VIT: variants seen among roughly 807,000 people sequenced by gnomAD.
VIT encodes the protein vitrin.
Under a neutral mutation model 78.0 loss-of-function variants are expected in VIT, and 99 were observed. That is an observed-to-expected ratio of 1.27 (90% CI 1.08 to 1.50). The LOEUF is 1.50. Among genes scored for constraint, VIT ranks in the 40% most tolerant of loss-of-function variants. The pLI, the probability that VIT is intolerant of heterozygous loss-of-function variation, is 0.00. For missense variants in VIT, 1,126 were observed against 875.3 expected, an observed-to-expected ratio of 1.29 and a Z score of -3.61; for synonymous variants, 374 against 334.3, an observed-to-expected ratio of 1.12 and a Z score of -1.29.
At chr2:36,732,978 A>G (rs777853568) in intron 3 of VIT, among the ~76,000 whole-genome samples, 24 of 152,218 alleles carry the variant, frequency 1.6e-4, no homozygotes, top group Non-Finnish European at 2.9e-4. Flanking sequence ...AGTTCAACAT[A>G]CAGAAATAGA....
chr2:36,753,362 TTAAAA>T (rs59557988), intron 4 of VIT, among the ~76,000 whole-genome samples: 8,278 of 152,160 alleles, frequency 0.054, 637 homozygotes, highest in Admixed American at 0.23. Context: ...ACCCCTGAAC[TTAAAA>T]TAAAAGTTGA....
At chr2:36,781,156 G>C (rs547839554) in intron 9 of VIT, among the ~76,000 whole-genome samples, 16 of 152,184 alleles carry the variant, frequency 1.1e-4, no homozygotes, top group Non-Finnish European at 1.8e-4. Flanking sequence ...ATCTCTGAAG[G>C]GGCCATATTT....
intron 12 of VIT, among the ~76,000 whole-genome samples, chr2:36,790,399 C>G (rs989489122): frequency 6.6e-6 from 1 of 152,222 alleles, no homozygotes; most frequent in African/African-American, 2.4e-5. Context: ...CATAACTTCA[C>G]TTTGCACTGG....
chr2:36,773,882 A>G (rs1669904411), intron 8 of VIT, 35 bp downstream of exon 8: 3 of 1,570,236 alleles, frequency 1.9e-6, no homozygotes, highest in Non-Finnish European at 2.6e-6. Context: ...GCCACTGATG[A>G]AAGTTAAGCT....
intron 2 of VIT, among the ~76,000 whole-genome samples, chr2:36,727,880 T>C (rs1478025175): frequency 6.6e-6 from 1 of 152,224 alleles, no homozygotes; most frequent in Non-Finnish European, 1.5e-5. Flanking sequence ...CAGTACATAA[T>C]ACTTGATAAT....
chr2:36,700,532 A>C (rs1336426015), intron 1 of VIT, among the ~76,000 whole-genome samples: 2 of 152,160 alleles, frequency 1.3e-5, no homozygotes, highest in Non-Finnish European at 2.9e-5. Flanking sequence ...GCCTGAGGCC[A>C]GGAGTTTGAG....
chr2:36,753,763 C>T (rs907709963), intron 4 of VIT, among the ~76,000 whole-genome samples: 2 of 152,124 alleles, frequency 1.3e-5, no homozygotes, highest in Non-Finnish European at 2.9e-5. Context: ...TGTGAGGGAA[C>T]TCAATCACAG....
chr2:36,736,657 G>C (rs2148502018), intron 3 of VIT, among the ~76,000 whole-genome samples: 1 of 152,298 alleles, frequency 6.6e-6, no homozygotes, highest in South Asian at 2.1e-4. Flanking sequence ...TGTGTCCTCA[G>C]TAAGCATCAA....
At chr2:36,762,882 G>T (rs1265328064) in intron 6 of VIT, among the ~76,000 whole-genome samples, 1 of 152,094 alleles carries the variant, frequency 6.6e-6, no homozygotes, top group African/African-American at 2.4e-5. Context: ...GTTCCCTGAG[G>T]TTTAAATACT....
intron 4 of VIT, among the ~76,000 whole-genome samples, chr2:36,748,217 T>C (rs1267159580): frequency 6.6e-6 from 1 of 152,204 alleles, no homozygotes; most frequent in Non-Finnish European, 1.5e-5. Flanking sequence ...TCATCTTGCA[T>C]AGTATCTCAC....
intron 6 of VIT, chr2:36,759,258 T>C: frequency 1.3e-6 from 2 of 1,497,498 alleles, no homozygotes; most frequent in Non-Finnish European, 1.8e-6. Flanking sequence ...TTTTTGCAAT[T>C]CCGAGATTGT....
Position 36,801,452 on chromosome 2 carries a change from T to C in VIT, c.1162+48T>C, listed in dbSNP as rs558486845. On this transcript the variant is annotated intron_variant, in intron 13 of 15. Coordinates refer to ENST00000379242, the MANE Select transcript of VIT (RefSeq NM_053276.4). ...ATACTATCTTGCTACCATCGTTCTCTTTCTACGTGATTGTCTTCTAACCAT... is the reference window on the plus strand; with the variant it reads ...ATACTATCTTGCTACCATCGTTCTCCTTCTACGTGATTGTCTTCTAACCAT... 8.2e-4 allele frequency: 1,198 copies of C among 1,462,508 alleles called. 22 individuals are homozygous for C. The South Asian group carries it at 0.013, about 16-fold the overall frequency. The allele number at this position is 1,462,508 out of a possible 1,614,324, so 90.6% of individuals were successfully genotyped here. A position where few individuals can be genotyped will look rare whatever the true frequency, so the allele number is the denominator to read the frequency against.
chr2:36,754,242 G>A lies in VIT; in HGVS notation c.276-679G>A, dbSNP rs141353069. Among the ~76,000 whole-genome samples the A allele has an allele frequency of 1.1e-3, 165 of 152,202 alleles. 1 individual carries two copies. The highest frequency in any genetic ancestry group is 3.6e-3 in the African/African-American group (151 of 41,524). On this transcript the variant is annotated intron_variant, in intron 4 of 15. Transcript: ENST00000379242. ...TGATGGGGAGAAATCTACATCTCCC[G>A]GTGCCAGAAATTAAGGATACCCAAA...
At chr2:36,729,365 A>C in intron 2 of VIT, 61 bp from the exon 3 acceptor site, 1 of 1,457,230 alleles carries the variant, frequency 6.9e-7, no homozygotes, top group East Asian at 2.5e-5. Flanking sequence ...GTATGAGTCA[A>C]AAGAGAAAGA....
chr2:36,763,681 C>T (rs1193822477), intron 6 of VIT, among the ~76,000 whole-genome samples: 1 of 150,844 alleles, frequency 6.6e-6, no homozygotes, highest in African/African-American at 2.4e-5. Flanking sequence ...CCTCCGCCTC[C>T]CGGGTTCAAG....
At chr2:36,700,637 G>C (rs1664992063) in intron 1 of VIT, among the ~76,000 whole-genome samples, 2 of 152,088 alleles carry the variant, frequency 1.3e-5, no homozygotes, top group Admixed American at 1.3e-4. Context: ...AGCTACTAAA[G>C]AGGCTGAGGC....
At chr2:36,767,896 C>A (rs1160383858) in intron 7 of VIT, among the ~76,000 whole-genome samples, 1 of 152,210 alleles carries the variant, frequency 6.6e-6, no homozygotes, top group African/African-American at 2.4e-5. Context: ...ATCTCACTTC[C>A]AGAACTTTTC....
chr2:36,814,195 A>G lies in VIT; in HGVS notation c.1916A>G (p.Tyr639Cys), dbSNP rs147923021. 18 of 1,614,204 alleles carry G rather than the reference A, an allele frequency of 1.1e-5. No homozygotes were observed. The South Asian group carries it at 2.0e-4, about 18-fold the overall frequency. ...MAAHLKGVIT[Y>C]AIGVAWAAQE... ...TTTGTCCCCACAGGAGTGATCACCTATGCGATAGGCGTTGCCTGGGCTGCC... is the reference window on the plus strand; with the variant it reads ...TTTGTCCCCACAGGAGTGATCACCTGTGCGATAGGCGTTGCCTGGGCTGCC... The change falls in exon 16 of 16, where the codon TAT becomes TGT. Residue 639 changes from tyrosine to cysteine, a missense_variant. Tyr to Cys is a radical substitution (Grantham distance 194). Transcript: ENST00000379242.
intron 10 of VIT, among the ~76,000 whole-genome samples, chr2:36,782,301 C>T (rs937512498): frequency 4.6e-5 from 7 of 152,182 alleles, no homozygotes; most frequent in Non-Finnish European, 1.0e-4. Context: ...TCCTCCAACG[C>T]AGAGTCTTGG....
Sources: gnomAD v4.1 joint callset for allele counts (sites outside exome capture counted in the v4.1 genomes callset) on GRCh38, gnomAD v4.1.1 for gene constraint, MANE v1.5 for transcripts, NCBI Gene and HGNC (gene_info 2026-07-23, HGNC 2026-07-21) for gene names.